The following TERB1 variants were observed in gnomAD, a reference collection of about 807,000 sequenced individuals.
The protein encoded by TERB1 is telomere repeats-binding bouquet formation protein 1.
A neutral mutation model predicts 92.3 loss-of-function variants in TERB1; 63 were observed. The ratio of observed to expected loss-of-function variants is 0.68; its 90% CI spans 0.56 to 0.84. The LOEUF is 0.84. Among genes scored for constraint, TERB1 ranks in the 40% least tolerant of loss-of-function variants. TERB1 has a pLI of 0.00. For synonymous variants in TERB1, 252 were observed against 283.9 expected (o/e 0.89, Z 1.13); for missense variants, 709 against 843.7 (o/e 0.84, Z 1.98).
intron 13 of TERB1, 37 bp downstream of exon 13, chr16:66,772,551 GA>G (rs1462354136): frequency 6.7e-7 from 1 of 1,502,366 alleles, no homozygotes; most frequent in South Asian, 1.3e-5. Context: ...TTAAAAATTT[GA>G]AAAAAGTTCT....
chr16:66,764,993 T>C (rs2018314516), intron 16 of TERB1, among the ~76,000 whole-genome samples: 1 of 152,242 alleles, frequency 6.6e-6, no homozygotes, highest in Admixed American at 6.5e-5. Flanking sequence ...TAGATGATGC[T>C]ACAAAAGTAA....
chr16:66,791,743 A>G (rs2018838506), intron 3 of TERB1, among the ~76,000 whole-genome samples: 1 of 152,168 alleles, frequency 6.6e-6, no homozygotes, highest in Non-Finnish European at 1.5e-5. Context: ...CTCACCCAAG[A>G]AGAAAAAGAC....
Position 66,754,998 on chromosome 16 carries a change from T to C in TERB1, c.2162A>G (p.His721Arg). ...CAATCAAGAAGCTGCACACGTGGGG[T>C]GTTTGGTCAGCTTGTGGTATTTGTG... ...LAHKYHKLTK[H>R]PTCAAS The change falls in exon 19 of 19, where the codon CAC (histidine) becomes CGC (arginine). Residue 721 changes from histidine (H) to arginine (R), a missense_variant. By Grantham distance (29) the His-to-Arg change is conservative. Transcript: ENST00000433154. 1.3e-6 allele frequency: 2 copies of C among 1,550,880 alleles called. No homozygotes were observed. The highest frequency in any genetic ancestry group is 1.7e-6 in the Non-Finnish European group (2 of 1,146,816).
At chr16:66,767,610 G>A (rs2018369922) in intron 15 of TERB1, 100 bp from the exon 16 acceptor site, 1 of 599,662 alleles carries the variant, frequency 1.7e-6, no homozygotes, top group Non-Finnish European at 2.9e-6. Context: ...CCTTAGCCTA[G>A]TACTATGCCT....
intron 6 of TERB1, among the ~76,000 whole-genome samples, chr16:66,786,509 T>C (rs1037314929): frequency 6.6e-6 from 1 of 152,248 alleles, no homozygotes; most frequent in South Asian, 2.1e-4. Context: ...CTCTAAAAAT[T>C]ACAAAACTCT....
chr16:66,766,346 C>A (rs1438560418), intron 16 of TERB1, among the ~76,000 whole-genome samples: 1 of 152,076 alleles, frequency 6.6e-6, no homozygotes, highest in Non-Finnish European at 1.5e-5. Flanking sequence ...TAGAGATAAC[C>A]TCTTCATCCA....
intron 15 of TERB1, 24 bp from the exon 16 acceptor site, chr16:66,767,534 GATTT>G: frequency 3.4e-6 from 3 of 889,418 alleles, no homozygotes; most frequent in East Asian, 2.8e-5. Context: ...CAAAATGAAG[GATTT>G]TTGGATTAAT....
intron 5 of TERB1, 29 bp downstream of exon 5, chr16:66,790,566 G>T: frequency 6.8e-7 from 1 of 1,464,774 alleles, no homozygotes; most frequent in Non-Finnish European, 9.3e-7. Context: ...AATGCTTAAA[G>T]TATAATGAAA....
At chr16:66,800,453 C>G (rs1406859670) in intron 2 of TERB1, among the ~76,000 whole-genome samples, 1 of 137,780 alleles carries the variant, frequency 7.3e-6, no homozygotes, top group Non-Finnish European at 1.5e-5. Flanking sequence ...TGCAGTGGCG[C>G]CATCTTGGCT....
chr16:66,796,429 T>A (rs2018930514), intron 3 of TERB1, among the ~76,000 whole-genome samples: 1 of 152,208 alleles, frequency 6.6e-6, no homozygotes, highest in South Asian at 2.1e-4. Context: ...CTGGTTAACC[T>A]CCTCCATGCC....
rs4523917 is a variant in TERB1 at position 66,754,983 on chromosome 16, G to A, written c.2177C>T (p.Ala726Val). The A allele has an allele frequency of 6.5e-7, 1 of 1,548,002 alleles. No homozygotes were observed. Among genetic ancestry groups the A allele is most frequent in the African/African-American group, 1.4e-5 (1 of 72,944 alleles). The change falls in exon 19 of 19, where the codon GCT (alanine) becomes GTT (valine). Residue 726 changes from alanine to valine, a missense_variant. Coordinates refer to ENST00000433154, the MANE Select transcript of TERB1 (RefSeq NM_001136505.2). ...HKLTKHPTCA[A>V]S is the part of the protein sequence containing the mutation. ...CTGACAGTCTTCTTTCAATCAAGAA[G>A]CTGCACACGTGGGGTGTTTGGTCAG...
At chr16:66,775,048 C>T (rs148101740) in intron 12 of TERB1, 70 bp downstream of exon 12, 1 of 1,480,522 alleles carries the variant, frequency 6.8e-7, no homozygotes, top group East Asian at 2.5e-5. Flanking sequence ...GGCCTTGGCT[C>T]ATGAAAGCAG....
At chr16:66,782,759 G>T (rs1311207199) in intron 9 of TERB1, among the ~76,000 whole-genome samples, 1 of 152,146 alleles carries the variant, frequency 6.6e-6, no homozygotes, top group African/African-American at 2.4e-5. Context: ...CTAGGATTTT[G>T]CTTGGGAATT....
At chr16:66,761,197 ACC>A in intron 16 of TERB1, among the ~76,000 whole-genome samples, 1 of 151,764 alleles carries the variant, frequency 6.6e-6, no homozygotes, top group South Asian at 2.1e-4. Context: ...CATGCCTGTA[ACC>A]GCAGCACTTT....
At chr16:66,794,340 T>C in intron 3 of TERB1, among the ~76,000 whole-genome samples, 1 of 152,104 alleles carries the variant, frequency 6.6e-6, no homozygotes, top group East Asian at 1.9e-4. Context: ...GCTCAAGCCA[T>C]CCTCCCACCT....
At chr16:66,772,891 G>A (rs957520814) in intron 12 of TERB1, 142 bp from the exon 13 acceptor site, 1 of 631,060 alleles carries the variant, frequency 1.6e-6, no homozygotes, top group African/African-American at 1.9e-5. Flanking sequence ...TGAAAAGTAA[G>A]TGGAAGATTA....
At chr16:66,798,527 A>G (rs1487094169) in intron 2 of TERB1, among the ~76,000 whole-genome samples, 3 of 152,234 alleles carry the variant, frequency 2.0e-5, no homozygotes, top group Admixed American at 1.3e-4. Context: ...TAGGTATGTT[A>G]TAAGTCCACA....
At chr16:66,776,344 A>G (rs1401882490) in intron 11 of TERB1, among the ~76,000 whole-genome samples, 1 of 151,374 alleles carries the variant, frequency 6.6e-6, no homozygotes, top group Non-Finnish European at 1.5e-5. Flanking sequence ...AAAAAAAAAA[A>G]GAAAGAAAAA....
chr16:66,789,111 C>T (rs2018777657), intron 5 of TERB1, among the ~76,000 whole-genome samples: 1 of 149,660 alleles, frequency 6.7e-6, no homozygotes, highest in South Asian at 2.1e-4. Flanking sequence ...TAATTGTACA[C>T]TTTAAAATAA....
Sources: gnomAD v4.1 joint callset for allele counts (sites outside exome capture counted in the v4.1 genomes callset) on GRCh38, gnomAD v4.1.1 for gene constraint, MANE v1.5 for transcripts, NCBI Gene and HGNC (gene_info 2026-07-23, HGNC 2026-07-21) for gene names.